The following MROH7 variants were observed in gnomAD, a reference collection of about 807,000 sequenced individuals.
MROH7 encodes maestro heat-like repeat-containing protein family member 7.
MROH7 carries 113 observed loss-of-function variants against 129.2 expected under a neutral mutation model. The observed-to-expected ratio is 0.87, with a 90% CI of 0.75 to 1.02. The LOEUF (loss-of-function observed/expected upper bound fraction) is 1.02. Ranked by LOEUF, MROH7 falls within the 50% of genes least tolerant of loss-of-function variation. The probability of loss-of-function intolerance (pLI) is 0.00; values close to 1 mark genes in which losing one functional copy is unlikely to be tolerated. For missense variants in MROH7, 1,601 were observed against 1,671.3 expected (o/e 0.96, Z 0.73); for synonymous variants, 655 against 667.9 (o/e 0.98, Z 0.30).
rs1190777301 is a variant in MROH7, at chr1:54,709,987, A to G, written c.3772A>G (p.Ile1258Val). 1 of 1,614,092 alleles carries G rather than the reference A, an allele frequency of 6.2e-7. No individual in the cohort carries two copies. The highest frequency in any genetic ancestry group is 8.5e-7 in the Non-Finnish European group (1 of 1,180,008). Residue 1258 changes from isoleucine (I) to valine (V), a missense_variant, in exon 24 of 24, where the codon ATC becomes GTC. Ile to Val is a conservative substitution (Grantham distance 29). Coordinates refer to ENST00000421030, the MANE Select transcript of MROH7 (RefSeq NM_001039464.4). ...LRHDPEASVC[I>V]YAAQVQDHIL... ...ACATGACCCAGAAGCATCAGTGTGC[A>G]TCTACGCAGCCCAGGTCCAGGACCA...
chr1:54,701,531 C>A (rs1645436024), intron 19 of MROH7, among the ~76,000 whole-genome samples: 1 of 152,290 alleles, frequency 6.6e-6, no homozygotes. Context: ...TCTTCTTTCA[C>A]AATCGAGTCT....
At position 54,686,322 on chromosome 1, in the gene MROH7, A is replaced by G. The variant is rs757291963; in HGVS notation, c.2585A>G (p.Tyr862Cys). Reference protein sequence around the residue: ...NSCMGRVRRIYPQLLLALLIQ... With the variant: ...NSCMGRVRRICPQLLLALLIQ... ...TGCATGGGCCGTGTGAGGCGCATCT[A>G]CCCTCAGCTGCTCCTGGCCCTGCTC... Residue 862 changes from tyrosine to cysteine, a missense_variant, in exon 15 of 24, where the codon TAC becomes TGC. Coordinates refer to ENST00000421030, the MANE Select transcript of MROH7 (RefSeq NM_001039464.4). 6.2e-7 allele frequency: 1 copy of G among 1,613,982 alleles called. No individual in the cohort carries two copies. The highest frequency in any genetic ancestry group is 8.5e-7 in the Non-Finnish European group (1 of 1,179,982).
chr1:54,663,703 A>AAG, intron 3 of MROH7: 1 of 309,964 alleles, frequency 3.2e-6, no homozygotes, highest in Non-Finnish European at 6.0e-6. Context: ...AAAAAAAAAC[A>AAG]AAAAAAAAAC....
chr1:54,707,306 G>A (rs1645549762), intron 22 of MROH7, among the ~76,000 whole-genome samples: 1 of 152,164 alleles, frequency 6.6e-6, no homozygotes, highest in African/African-American at 2.4e-5. Flanking sequence ...AAAGAGGCTT[G>A]GAAATGATGC....
intron 21 of MROH7, among the ~76,000 whole-genome samples, chr1:54,705,977 A>T (rs1645527165): frequency 1.3e-5 from 2 of 152,124 alleles, no homozygotes; most frequent in South Asian, 4.2e-4. Flanking sequence ...TGGCTTTCTC[A>T]CTGTCCTATT....
At chr1:54,664,810 G>A (rs369502850) in intron 3 of MROH7, among the ~76,000 whole-genome samples, 3 of 152,084 alleles carry the variant, frequency 2.0e-5, no homozygotes, top group Non-Finnish European at 2.9e-5. Flanking sequence ...GCAGGAGTTC[G>A]AGACTAGCCT....
At chr1:54,705,965 C>T (rs747737420) in intron 21 of MROH7, among the ~76,000 whole-genome samples, 5 of 152,174 alleles carry the variant, frequency 3.3e-5, no homozygotes, top group Non-Finnish European at 5.9e-5. Flanking sequence ...TTACCCAAAA[C>T]GTGGCTTTCT....
chr1:54,682,567 C>T, intron 13 of MROH7, 89 bp from the exon 14 acceptor site: 1 of 1,370,822 alleles, frequency 7.3e-7, no homozygotes, highest in South Asian at 1.4e-5. Flanking sequence ...TCATTGGCAT[C>T]TTACCTTCCC....
chr1:54,652,917 C>T lies in MROH7; in HGVS notation c.-10C>T. The T allele has an allele frequency of 6.4e-7, 1 of 1,559,830 alleles. No homozygotes were observed. Among genetic ancestry groups the T allele is most frequent in the Non-Finnish European group, 8.7e-7 (1 of 1,155,892 alleles). Reference sequence around the variant, plus strand: ...GCGGGCACTGGCATTGAGAGACCTCCAGACTGGACATGGCCCTGAGTCCAG... The same window carrying T: ...GCGGGCACTGGCATTGAGAGACCTCTAGACTGGACATGGCCCTGAGTCCAG... On this transcript the variant is annotated 5_prime_UTR_variant, in exon 3 of 24. Transcript: ENST00000421030.
In MROH7 at chr1:54,678,757, A is replaced by G. The variant is rs779661794; in HGVS notation, c.1952A>G (p.Glu651Gly). The G allele has an allele frequency of 2.0e-5, 32 of 1,613,776 alleles. No homozygotes were observed. The highest frequency in any genetic ancestry group is 2.6e-5 in the Non-Finnish European group (31 of 1,179,804). ...LELQKRARDK[E>G]ETNKKELYES... ...CATCTTGCAGGAGCCAGAGATAAGGAAGAGACCAACAAAAAGGAGCTATAT... is the reference window on the plus strand; with the variant it reads ...CATCTTGCAGGAGCCAGAGATAAGGGAGAGACCAACAAAAAGGAGCTATAT... Residue 651 changes from glutamate to glycine, a missense_variant, in exon 11 of 24, where the codon GAA becomes GGA. Physicochemically the swap from Glu to Gly is moderately conservative, Grantham distance 98. Transcript: ENST00000421030.
chr1:54,673,380 C>T (rs1644932161), intron 8 of MROH7, among the ~76,000 whole-genome samples, 194 bp downstream of exon 8: 1 of 151,858 alleles, frequency 6.6e-6, no homozygotes, highest in East Asian at 2.0e-4. Context: ...TCTCCCCATC[C>T]CCCCACTCTC....
intron 7 of MROH7, 83 bp downstream of exon 7, chr1:54,671,012 G>A (rs1222757022): frequency 1.4e-6 from 2 of 1,452,114 alleles, no homozygotes; most frequent in African/African-American, 2.8e-5. Context: ...CCGGCTCATT[G>A]GTCTGTGGCC....
Position 54,673,087 on chromosome 1 carries a change from A to G in MROH7, c.1600-4A>G. 2 of 1,611,938 alleles carry G rather than the reference A, an allele frequency of 1.2e-6. No individual in the cohort carries two copies. The highest frequency in any genetic ancestry group is 1.7e-6 in the Non-Finnish European group (2 of 1,178,408). Reference sequence around the variant, plus strand: ...TAGTGGCTTGGTCCTCCTCCCATCCACAGGCTCTTTACCATCAGACCCTGG... The same window carrying G: ...TAGTGGCTTGGTCCTCCTCCCATCCGCAGGCTCTTTACCATCAGACCCTGG... On this transcript the variant is annotated splice_region_variant and splice_polypyrimidine_tract_variant and intron_variant, in intron 7 of 23. Coordinates refer to ENST00000421030, the MANE Select transcript of MROH7 (RefSeq NM_001039464.4).
intron 5 of MROH7, among the ~76,000 whole-genome samples, chr1:54,669,212 G>A (rs1310050867): frequency 1.3e-5 from 2 of 152,160 alleles, no homozygotes; most frequent in Non-Finnish European, 2.9e-5. Context: ...ACAACCCAAT[G>A]CTTAGTCTAC....
chr1:54,691,803 AGTGTGTGTGTGTGTGTGT>A (rs373106798), intron 15 of MROH7, among the ~76,000 whole-genome samples: 3 of 104,188 alleles, frequency 2.9e-5, no homozygotes, highest in African/African-American at 3.9e-5. Context: ...AAAAAAAAAA[AGTGTGTGTGTGTGTGTGT>A]GTGTGTGTGT....
At chr1:54,655,572 G>A (rs1183277243) in intron 3 of MROH7, among the ~76,000 whole-genome samples, 1 of 151,664 alleles carries the variant, frequency 6.6e-6, no homozygotes, top group African/African-American at 2.4e-5. Flanking sequence ...TAGAGATGGG[G>A]CCTTGCTACG....
chr1:54,677,939 C>T (rs1049821009), intron 10 of MROH7, among the ~76,000 whole-genome samples: 3 of 152,072 alleles, frequency 2.0e-5, no homozygotes, highest in Admixed American at 6.5e-5. Context: ...CAGATGATGA[C>T]AAAAACTAAA....
At chr1:54,660,056 T>C (rs1035936244) in intron 3 of MROH7, among the ~76,000 whole-genome samples, 2 of 152,216 alleles carry the variant, frequency 1.3e-5, no homozygotes, top group African/African-American at 2.4e-5. Context: ...CTTTAAGAGA[T>C]ATTGCCAAAC....
intron 3 of MROH7, among the ~76,000 whole-genome samples, chr1:54,664,397 T>G (rs1259790994): frequency 6.6e-6 from 1 of 152,164 alleles, no homozygotes; most frequent in African/African-American, 2.4e-5. Context: ...GGGGTGGCCT[T>G]TCTCAGGACT....
Sources: gnomAD v4.1 joint callset for allele counts (sites outside exome capture counted in the v4.1 genomes callset) on GRCh38, gnomAD v4.1.1 for gene constraint, MANE v1.5 for transcripts, NCBI Gene and HGNC (gene_info 2026-07-23, HGNC 2026-07-21) for gene names.